RGS6: variants seen among roughly 807,000 people sequenced by gnomAD.
The protein encoded by RGS6 is regulator of G-protein signaling 6.
A neutral mutation model predicts 78.5 loss-of-function variants in RGS6; 30 were observed. The ratio of observed to expected loss-of-function variants is 0.38; its 90% CI spans 0.29 to 0.52. The LOEUF (loss-of-function observed/expected upper bound fraction) is 0.52. Among genes scored for constraint, RGS6 ranks in the 20% least tolerant of loss-of-function variants. RGS6 has a pLI of 0.85. For missense variants in RGS6, 495 were observed against 609.7 expected (o/e 0.81, Z 1.98); for synonymous variants, 206 against 206.0 (o/e 1.00, Z 0.00).
At chr14:72,226,655 ATCTTCATTT>A (rs1324703537) in intron 2 of RGS6, among the ~76,000 whole-genome samples, 2 of 152,158 alleles carry the variant, frequency 1.3e-5, no homozygotes, top group African/African-American at 4.8e-5. Flanking sequence ...CTGAATCGGA[ATCTTCATTT>A]TAACAAGATC....
At chr14:72,061,701 ATTG>A (rs1419716825) in intron 2 of RGS6, among the ~76,000 whole-genome samples, 1 of 152,142 alleles carries the variant, frequency 6.6e-6, no homozygotes, top group Admixed American at 6.5e-5. Context: ...GTTATCTTTT[ATTG>A]TTCTTTTTAT....
rs187346076 is a variant in RGS6 at position 71,994,239 on chromosome 14, G to C, written c.84+29364G>C. On this transcript the variant is annotated intron_variant, in intron 2 of 17. Transcript: ENST00000553525. The stretch of plus-strand genomic sequence containing the variant: ...CAGTCTCCCGCTGTTAGAATTCTGG[G>C]CCTCCCTCAATACCAAGGTTAAGTA... Among the ~76,000 whole-genome samples the C allele has an allele frequency of 2.2e-3, 328 of 151,932 alleles. 1 individual carries two copies. Among genetic ancestry groups the C allele is most frequent in the Admixed American group, 7.2e-3 (109 of 15,240 alleles).
chr14:72,336,825 C>G (rs551487053), intron 2 of RGS6, among the ~76,000 whole-genome samples: 1 of 152,022 alleles, frequency 6.6e-6, no homozygotes, highest in Non-Finnish European at 1.5e-5. Context: ...AGGATCTGTT[C>G]CCAGCCTCTC....
chr14:71,869,286 G>A, the RGS6 span, among the ~76,000 whole-genome samples: 2 of 152,182 alleles, frequency 1.3e-5, no homozygotes, highest in Non-Finnish European at 2.9e-5. Flanking sequence ...CTAGAGATGA[G>A]CAAGTAGGTT....
intron 3 of RGS6, among the ~76,000 whole-genome samples, chr14:72,450,153 C>T (rs2095457170): frequency 6.6e-6 from 1 of 151,878 alleles, no homozygotes; most frequent in Non-Finnish European, 1.5e-5. Flanking sequence ...AATTTTTCCT[C>T]TCCATATTTA....
intron 4 of RGS6, among the ~76,000 whole-genome samples, chr14:72,454,824 A>G (rs2095588885): frequency 6.6e-6 from 1 of 152,254 alleles, no homozygotes; most frequent in Non-Finnish European, 1.5e-5. Context: ...CAATACAATA[A>G]TGTGTGAAAT....
At chr14:72,007,484 G>A (rs983387064) in intron 2 of RGS6, among the ~76,000 whole-genome samples, 11 of 152,192 alleles carry the variant, frequency 7.2e-5, no homozygotes, top group African/African-American at 2.2e-4. Flanking sequence ...TTGGCCCGCC[G>A]GCTGCGTGCA....
intron 3 of RGS6, among the ~76,000 whole-genome samples, chr14:72,451,342 C>T (rs560018221): frequency 3.3e-5 from 5 of 152,296 alleles, no homozygotes; most frequent in African/African-American, 1.2e-4. Flanking sequence ...ATTTTCCCTT[C>T]TTTAGAAACA....
chr14:72,293,454 T>C (rs147507266), intron 2 of RGS6, among the ~76,000 whole-genome samples: 54 of 152,232 alleles, frequency 3.5e-4, no homozygotes, highest in Admixed American at 1.6e-3. Context: ...GTGTTTGTTT[T>C]CTCTCTCCCT....
At chr14:71,992,430 C>T (rs2094998986) in intron 2 of RGS6, among the ~76,000 whole-genome samples, 1 of 152,102 alleles carries the variant, frequency 6.6e-6, no homozygotes, top group Non-Finnish European at 1.5e-5. Context: ...TGAGGCCTTA[C>T]TCTGCGCTTG....
intron 2 of RGS6, among the ~76,000 whole-genome samples, chr14:72,260,897 G>A (rs760381960): frequency 2.0e-5 from 3 of 152,240 alleles, no homozygotes; most frequent in Non-Finnish European, 4.4e-5. Context: ...GGCAGAGAAA[G>A]ATGTGTACAT....
chr14:72,365,214 T>C (rs1404967973), intron 3 of RGS6, among the ~76,000 whole-genome samples: 3 of 152,134 alleles, frequency 2.0e-5, no homozygotes, highest in Non-Finnish European at 4.4e-5. Context: ...AGAATGTACT[T>C]GCCAAAAAAG....
intron 2 of RGS6, among the ~76,000 whole-genome samples, chr14:72,310,731 A>G (rs1397846266): frequency 6.6e-6 from 1 of 152,140 alleles, no homozygotes; most frequent in Non-Finnish European, 1.5e-5. Context: ...CACATCACTT[A>G]CACACATGGA....
At chr14:72,327,436 A>G (rs1237238966) in intron 2 of RGS6, among the ~76,000 whole-genome samples, 1 of 152,214 alleles carries the variant, frequency 6.6e-6, no homozygotes, top group African/African-American at 2.4e-5. Context: ...AGCTGCATCT[A>G]ACTATTACAA....
intron 2 of RGS6, among the ~76,000 whole-genome samples, chr14:72,167,477 A>C (rs2096943823): frequency 6.6e-6 from 1 of 152,262 alleles, no homozygotes; most frequent in East Asian, 1.9e-4. Context: ...GCACGTAAAC[A>C]CCAAGAGATG....
intron 3 of RGS6, among the ~76,000 whole-genome samples, chr14:72,427,219 T>A (rs1315507409): frequency 1.3e-5 from 2 of 152,242 alleles, no homozygotes; most frequent in Non-Finnish European, 2.9e-5. Flanking sequence ...ACTATATAAC[T>A]TTTATTTACA....
intron 2 of RGS6, among the ~76,000 whole-genome samples, chr14:72,258,458 T>C (rs923497285): frequency 1.3e-5 from 2 of 152,206 alleles, no homozygotes; most frequent in Admixed American, 1.3e-4. Context: ...CACTGTGTTT[T>C]AGGGAATTGT....
In RGS6 at chr14:72,540,843, G is replaced by A. The variant is rs115482586; in HGVS notation, c.1422+749G>A. On this transcript the variant is annotated intron_variant, in intron 17 of 17. Coordinates refer to ENST00000553525, the MANE Select transcript of RGS6 (RefSeq NM_001204424.2). ...TCAGATTCCTACAGGTTCATGGTACGCCCCAGCTAGAGAGGTAGAGCTCCC... is the reference window on the plus strand; with the variant it reads ...TCAGATTCCTACAGGTTCATGGTACACCCCAGCTAGAGAGGTAGAGCTCCC... The A allele has an allele frequency of 1.2e-5, 12 of 985,242 alleles. No individual in the cohort carries two copies. The African/African-American group carries it at 1.4e-4, about 11-fold the overall frequency. 61.0% of individuals were successfully genotyped at this position (985,242 alleles called of 1,614,324 possible).
chr14:72,265,671 T>C (rs2058926250), intron 2 of RGS6, among the ~76,000 whole-genome samples: 1 of 152,122 alleles, frequency 6.6e-6, no homozygotes, highest in African/African-American at 2.4e-5. Flanking sequence ...GTGGCTTGCC[T>C]GTGTCATTAC....
Sources: allele counts gnomAD v4.1 joint callset (sites outside exome capture counted in the v4.1 genomes callset), GRCh38; gene constraint gnomAD v4.1.1; transcripts MANE v1.5; gene names NCBI Gene and HGNC (gene_info 2026-07-23, HGNC 2026-07-21).